The following TNKS2 variants were observed in gnomAD, a reference collection of about 807,000 sequenced individuals.
TNKS2 encodes tankyrase 2.
Under a neutral mutation model 137.6 loss-of-function variants are expected in TNKS2, and 72 were observed. The observed-to-expected ratio is 0.52, with a 90% CI of 0.43 to 0.64. The LOEUF (loss-of-function observed/expected upper bound fraction) is 0.64. Ranked by LOEUF, TNKS2 falls within the 30% of genes least tolerant of loss-of-function variation. The pLI, the probability that TNKS2 is intolerant of heterozygous loss-of-function variation, is 0.00. For synonymous variants in TNKS2, 516 were observed against 512.1 expected (o/e 1.01, Z -0.10); for missense variants, 1,049 against 1,410.2 (o/e 0.74, Z 4.10).
Position 91,798,903 on chromosome 10 carries a change from G to A in TNKS2, c.199+14G>A, listed in dbSNP as rs773708387. ...ACTTCGCCGCAGGTAACCGGGGCCA[G>A]CGTCCCCTCGCCTCGCTCCAGACCC... On this transcript the variant is annotated intron_variant, in intron 1 of 26. Coordinates refer to ENST00000371627, the MANE Select transcript of TNKS2 (RefSeq NM_025235.4). 82 of 1,376,690 alleles carry A rather than the reference G, an allele frequency of 6.0e-5. No homozygotes were observed. The highest frequency in any genetic ancestry group is 9.8e-5 in the Admixed American group (3 of 30,624). 85.3% of individuals were successfully genotyped at this position (1,376,690 alleles called of 1,614,324 possible).
intron 11 of TNKS2, among the ~76,000 whole-genome samples, chr10:91,833,485 C>T (rs937089880): frequency 3.3e-5 from 5 of 151,870 alleles, no homozygotes; most frequent in African/African-American, 7.3e-5. Context: ...TTATCTCTGG[C>T]TTTGTTACTA....
chr10:91,812,935 T>C (rs1844555077), intron 1 of TNKS2, 48 bp from the exon 2 acceptor site: 1 of 1,596,856 alleles, frequency 6.3e-7, no homozygotes, highest in African/African-American at 1.3e-5. Flanking sequence ...TCTAATTTGA[T>C]ATCTTTTCCT....
At chr10:91,831,220 G>A in intron 11 of TNKS2, 39 bp downstream of exon 11, 16 of 1,568,694 alleles carry the variant, frequency 1.0e-5, no homozygotes, top group Non-Finnish European at 1.4e-5. Flanking sequence ...AATCCAATGA[G>A]TTATTTTTTA....
chr10:91,854,555 G>A (rs1325199783), intron 21 of TNKS2, among the ~76,000 whole-genome samples: 1 of 152,138 alleles, frequency 6.6e-6, no homozygotes, highest in East Asian at 1.9e-4. Flanking sequence ...TAGGAACTCT[G>A]TACTTTCATC....
chr10:91,810,511 T>A (rs572247494), intron 1 of TNKS2, among the ~76,000 whole-genome samples: 3 of 152,156 alleles, frequency 2.0e-5, no homozygotes, highest in Admixed American at 2.0e-4. Flanking sequence ...TTGTTTTGTT[T>A]TGTTTTTTTG....
intron 1 of TNKS2, among the ~76,000 whole-genome samples, chr10:91,804,169 C>T (rs1844256969): frequency 6.6e-6 from 1 of 151,968 alleles, no homozygotes; most frequent in Non-Finnish European, 1.5e-5. Context: ...AAATCATTAA[C>T]ACCATATTCT....
In TNKS2 at chr10:91,809,199, G is replaced by A. The variant is rs193281211; in HGVS notation, c.200-3784G>A. Among the ~76,000 whole-genome samples the A allele has an allele frequency of 2.1e-3, 316 of 152,274 alleles. 1 individual carries two copies. The highest frequency in any genetic ancestry group is 7.2e-3 in the African/African-American group (301 of 41,556). On this transcript the variant is annotated intron_variant, in intron 1 of 26. Coordinates refer to ENST00000371627, the MANE Select transcript of TNKS2 (RefSeq NM_025235.4). ...TATATTAGCAGATGTTTGCTTGCAT[G>A]TATATAAAATAACTTCAACGTATGT...
rs1215030002 is a variant in TNKS2 at position 91,848,412 on chromosome 10, A to C, written c.2388A>C (p.Ala796=). The part of the protein sequence containing the change: ...SADDVSALLT[A]AMPPSALPSC... ...ATGATGTCAGCGCTCTTCTGACAGCAGCCATGCCCCCATCTGCTCTGCCCT... is the reference window on the plus strand; with the variant it reads ...ATGATGTCAGCGCTCTTCTGACAGCCGCCATGCCCCCATCTGCTCTGCCCT... Residue 796 remains alanine (A), a synonymous_variant, in exon 19 of 27, where the codon GCA becomes GCC. Coordinates refer to ENST00000371627, the MANE Select transcript of TNKS2 (RefSeq NM_025235.4). The C allele has an allele frequency of 6.2e-7, 1 of 1,614,086 alleles. No individual in the cohort carries two copies. Among genetic ancestry groups the C allele is most frequent in the Non-Finnish European group, 8.5e-7 (1 of 1,180,026 alleles).
chr10:91,856,956 A>C (rs550728259), intron 23 of TNKS2, among the ~76,000 whole-genome samples: 1 of 152,212 alleles, frequency 6.6e-6, no homozygotes, highest in Admixed American at 6.5e-5. Flanking sequence ...TTTCTGAATC[A>C]GAAGGTCGAG....
chr10:91,798,992 A>G lies in TNKS2; in HGVS notation c.199+103A>G, dbSNP rs1034051804. ...CTCCTCCGCCTCCCGACCTTTCTCC[A>G]GGACTCTGGTCCTGGTGATCTCGCT... On this transcript the variant is annotated intron_variant, in intron 1 of 26. Coordinates refer to ENST00000371627, the MANE Select transcript of TNKS2 (RefSeq NM_025235.4). The G allele has an allele frequency of 4.0e-6, 5 of 1,254,950 alleles. No individual in the cohort carries two copies. In the Admixed American group the frequency reaches 1.3e-4, roughly 32 times the overall value. The allele number at this position is 1,254,950 out of a possible 1,614,324, so 77.7% of individuals were successfully genotyped here. A position where few individuals can be genotyped will look rare whatever the true frequency, so the allele number is the denominator to read the frequency against.
chr10:91,855,595 C>G lies in TNKS2; in HGVS notation c.2914-19C>G, dbSNP rs771389772. 1.4e-5 allele frequency: 23 copies of G among 1,602,078 alleles called. No individual in the cohort carries two copies. Among genetic ancestry groups the G allele is most frequent in the Non-Finnish European group, 2.0e-5 (23 of 1,172,942 alleles). ...CACAAATGCTAATGCACATATATTTCAAACCATTTTTCTGACAGATGCAAA... is the reference window on the plus strand; with the variant it reads ...CACAAATGCTAATGCACATATATTTGAAACCATTTTTCTGACAGATGCAAA... On this transcript the variant is annotated intron_variant, in intron 22 of 26. Transcript: ENST00000371627.
In TNKS2 at chr10:91,861,982, T is replaced by C. The variant is rs751585619; in HGVS notation, c.3282-17T>C. The C allele has an allele frequency of 1.3e-5, 21 of 1,599,076 alleles. No individual in the cohort carries two copies. The highest frequency in any genetic ancestry group is 1.8e-5 in the Non-Finnish European group (21 of 1,172,666). ...CAAATTTGACTTCAGGGTGATCTTT[T>C]CCTTTTCGTTTTATAGGCAGCTGCT... On this transcript the variant is annotated splice_polypyrimidine_tract_variant and intron_variant, in intron 25 of 26. Transcript: ENST00000371627.
At chr10:91,812,015 G>A (rs971913599) in intron 1 of TNKS2, among the ~76,000 whole-genome samples, 3 of 150,912 alleles carry the variant, frequency 2.0e-5, no homozygotes, top group South Asian at 2.1e-4. Flanking sequence ...AGCCGAGATC[G>A]TGCCACGCAC....
intron 1 of TNKS2, among the ~76,000 whole-genome samples, chr10:91,804,992 G>A (rs554521522): frequency 1.3e-5 from 2 of 152,222 alleles, no homozygotes; most frequent in East Asian, 3.9e-4. Flanking sequence ...TCGAATTCCT[G>A]ACCTCAGGTG....
rs531284386 is a variant in TNKS2, at chr10:91,807,440, C to T, written c.200-5543C>T. 43 of 1,613,434 alleles carry T rather than the reference C, an allele frequency of 2.7e-5. No individual in the cohort carries two copies. The South Asian group carries it at 4.1e-4, about 15-fold the overall frequency. ...CCTCCCAGGTCTGGTACTGCGGCAT[C>T]GTGGCCTAGAGTGGAAAAGTAAAGA... On this transcript the variant is annotated intron_variant, in intron 1 of 26. Coordinates refer to ENST00000371627, the MANE Select transcript of TNKS2 (RefSeq NM_025235.4).
intron 1 of TNKS2, among the ~76,000 whole-genome samples, chr10:91,809,522 T>C (rs969020491): frequency 1.3e-5 from 2 of 151,890 alleles, no homozygotes; most frequent in Admixed American, 6.6e-5. Context: ...AAAAATTAGC[T>C]GGGCGTGGTG....
At chr10:91,841,872 A>T (rs1032412398) in intron 15 of TNKS2, among the ~76,000 whole-genome samples, 13 of 152,196 alleles carry the variant, frequency 8.5e-5, no homozygotes, top group African/African-American at 3.1e-4. Context: ...AATGTTCATG[A>T]AAAGTAAAAA....
At chr10:91,805,600 CTAGT>C (rs1195395472) in intron 1 of TNKS2, among the ~76,000 whole-genome samples, 7 of 152,170 alleles carry the variant, frequency 4.6e-5, no homozygotes, top group Non-Finnish European at 1.0e-4. Context: ...CTCATAACAG[CTAGT>C]TATTTTACTC....
rs1014993608 is a variant in TNKS2 at position 91,798,811 on chromosome 10, A to C, written c.121A>C (p.Lys41Gln). 33 of 1,334,696 alleles carry C rather than the reference A, an allele frequency of 2.5e-5. No homozygotes were observed. Among genetic ancestry groups the C allele is most frequent in the Non-Finnish European group, 3.2e-5 (33 of 1,032,888 alleles). 82.7% of individuals were successfully genotyped at this position (1,334,696 alleles called of 1,614,324 possible). A position where few individuals can be genotyped will look rare whatever the true frequency, so the allele number is the denominator to read the frequency against. ...ACRNGDVERV[K>Q]RLVTPEKVNS... ...CCGCAACGGGGACGTGGAACGAGTC[A>C]AGAGGCTGGTGACGCCTGAGAAGGT... Residue 41 changes from lysine to glutamine, a missense_variant, in exon 1 of 27, where the codon AAG becomes CAG. This residue lies in a region of TNKS2 where 374 missense variants were observed against 460.8 expected (regional missense o/e 0.81). Transcript: ENST00000371627.
Sources: gnomAD v4.1 joint callset for allele counts (sites outside exome capture counted in the v4.1 genomes callset) on GRCh38, gnomAD v4.1.1 for gene constraint, gnomAD v4.1.1 regional missense constraint, MANE v1.5 for transcripts, NCBI Gene and HGNC (gene_info 2026-07-23, HGNC 2026-07-21) for gene names.